ERC2: variants seen among roughly 807,000 people sequenced by gnomAD.
ERC2 encodes ELKS/RAB6-interacting/CAST family member 2, also known as ERC protein 2.
ERC2 carries 42 observed loss-of-function variants against 114.8 expected under a neutral mutation model. The observed-to-expected ratio is 0.37, with a 90% CI of 0.29 to 0.47. The LOEUF (loss-of-function observed/expected upper bound fraction) is 0.47. ERC2 is among the 20% of genes least tolerant of loss of function. The pLI is 0.99. For missense variants in ERC2, 939 were observed against 1,150.7 expected (o/e 0.82, Z 2.66); for synonymous variants, 454 against 425.5 (o/e 1.07, Z -0.82).
intron 14 of ERC2, among the ~76,000 whole-genome samples, chr3:55,772,320 C>CTT (rs536491164): frequency 5.8e-5 from 8 of 138,118 alleles, no homozygotes; most frequent in South Asian, 2.3e-4. Context: ...TTTTTGTATT[C>CTT]TTTTTTTTTT....
rs965038552 is a variant in ERC2 at position 56,026,061 on chromosome 3, T to C, written c.1642-7030A>G. ...ACCCCCTTCCTCCGTTTCTTTCTTTTTTTTTTTTTTTTTTTTTTTTTCGAG... is the reference window on the plus strand; with the variant it reads ...ACCCCCTTCCTCCGTTTCTTTCTTTCTTTTTTTTTTTTTTTTTTTTTCGAG... On this transcript the variant is annotated intron_variant, in intron 7 of 17. Transcript: ENST00000288221. 4.2e-4 allele frequency among the ~76,000 whole-genome samples: 43 copies of C among 103,448 alleles called. No homozygotes were observed. In the South Asian group the frequency reaches 7.8e-3, roughly 19 times the overall value. 67.9% of individuals were successfully genotyped at this position (103,448 alleles called of 152,430 possible). A position where few individuals can be genotyped will look rare whatever the true frequency, so the allele number is the denominator to read the frequency against.
chr3:56,354,622 C>G (rs181864409), intron 2 of ERC2, among the ~76,000 whole-genome samples: 1 of 152,244 alleles, frequency 6.6e-6, no homozygotes, highest in East Asian at 1.9e-4. Context: ...CATATTTGTC[C>G]TAACTCTCCA....
At chr3:55,744,429 GA>G (rs1364138998) in intron 14 of ERC2, among the ~76,000 whole-genome samples, 2 of 151,698 alleles carry the variant, frequency 1.3e-5, no homozygotes, top group African/African-American at 4.8e-5. Context: ...AAACAAATAT[GA>G]AAAAAACAAA....
At chr3:55,664,920 G>C (rs932493926) in intron 17 of ERC2, among the ~76,000 whole-genome samples, 1 of 152,172 alleles carries the variant, frequency 6.6e-6, no homozygotes, top group Admixed American at 6.5e-5. Context: ...ATGAGGCCTT[G>C]TTAACAGACA....
At chr3:56,382,052 T>C (rs1286827318) in intron 2 of ERC2, among the ~76,000 whole-genome samples, 1 of 152,144 alleles carries the variant, frequency 6.6e-6, no homozygotes, top group Non-Finnish European at 1.5e-5. Context: ...CACTTTTAAC[T>C]ATTGGCCTTC....
intron 14 of ERC2, among the ~76,000 whole-genome samples, chr3:55,790,207 C>T (rs545495955): frequency 3.0e-4 from 45 of 152,252 alleles, no homozygotes; most frequent in Non-Finnish European, 5.6e-4. Flanking sequence ...TCTCTCAACA[C>T]GCTCCAGCCA....
intron 4 of ERC2, among the ~76,000 whole-genome samples, chr3:56,150,759 T>C (rs1473878637): frequency 6.6e-6 from 1 of 152,190 alleles, no homozygotes; most frequent in Non-Finnish European, 1.5e-5. Flanking sequence ...TATTGTATAC[T>C]ACCAGTTTAA....
intron 12 of ERC2, among the ~76,000 whole-genome samples, chr3:55,981,067 C>T (rs1176526588): frequency 6.6e-6 from 1 of 152,216 alleles, no homozygotes; most frequent in Non-Finnish European, 1.5e-5. Flanking sequence ...CATGGCAAGT[C>T]CCACCAAGGC....
chr3:56,037,435 G>A (rs562848398), intron 7 of ERC2, among the ~76,000 whole-genome samples: 29 of 152,090 alleles, frequency 1.9e-4, no homozygotes, highest in African/African-American at 5.8e-4. Flanking sequence ...AAGAGACCAC[G>A]CAGAAGAAAG....
intron 14 of ERC2, among the ~76,000 whole-genome samples, chr3:55,841,950 C>T (rs756383913): frequency 2.0e-5 from 3 of 152,106 alleles, no homozygotes; most frequent in Non-Finnish European, 4.4e-5. Context: ...CCTGAACACA[C>T]CTGTGCTAAT....
intron 3 of ERC2, among the ~76,000 whole-genome samples, chr3:56,214,661 C>T (rs1450854768): frequency 2.0e-5 from 3 of 151,800 alleles, no homozygotes; most frequent in South Asian, 2.1e-4. Context: ...AGATACTCCT[C>T]GAGAAGAGCA....
intron 3 of ERC2, among the ~76,000 whole-genome samples, chr3:56,251,772 T>A (rs962185757): frequency 6.6e-5 from 10 of 152,234 alleles, no homozygotes; most frequent in Non-Finnish European, 1.2e-4. Context: ...TTAACCTATA[T>A]TGGAAATCTC....
At chr3:55,868,312 T>G (rs6766845) in intron 14 of ERC2, among the ~76,000 whole-genome samples, 2,486 of 152,226 alleles carry the variant, frequency 0.016, 78 homozygotes, top group African/African-American at 0.056. Context: ...CATGATATAA[T>G]CCACATCTAA....
chr3:55,695,750 C>G (rs2062894188), intron 16 of ERC2, among the ~76,000 whole-genome samples: 1 of 152,146 alleles, frequency 6.6e-6, no homozygotes, highest in African/African-American at 2.4e-5. Context: ...GAAACTGGAT[C>G]AGTCATGTTA....
intron 12 of ERC2, among the ~76,000 whole-genome samples, chr3:55,975,008 C>T (rs74571005): frequency 0.013 from 1,914 of 152,242 alleles, 43 homozygotes; most frequent in African/African-American, 0.044. Flanking sequence ...AAAAGCCTTG[C>T]TTTGGAATCA....
At chr3:56,213,365 T>C (rs1432353059) in intron 3 of ERC2, among the ~76,000 whole-genome samples, 1 of 152,164 alleles carries the variant, frequency 6.6e-6, no homozygotes, top group Non-Finnish European at 1.5e-5. Context: ...ACCAGGAGAT[T>C]ATATCCTGTG....
At chr3:55,917,549 A>T (rs2065170466) in intron 13 of ERC2, among the ~76,000 whole-genome samples, 1 of 152,182 alleles carries the variant, frequency 6.6e-6, no homozygotes, top group Non-Finnish European at 1.5e-5. Context: ...CAAATCTATA[A>T]ACTATATAAT....
chr3:56,180,294 G>A (rs920951552), intron 3 of ERC2, among the ~76,000 whole-genome samples: 2 of 152,086 alleles, frequency 1.3e-5, no homozygotes, highest in African/African-American at 4.8e-5. Context: ...AAACCCTCAG[G>A]TTACTATATT....
intron 14 of ERC2, among the ~76,000 whole-genome samples, chr3:55,837,718 C>T (rs995552686): frequency 5.3e-5 from 8 of 151,688 alleles, no homozygotes; most frequent in African/African-American, 1.2e-4. Flanking sequence ...AAAGCCTGCA[C>T]GTTGTGCACA....
Sources: allele counts gnomAD v4.1 joint callset (sites outside exome capture counted in the v4.1 genomes callset), GRCh38; gene constraint gnomAD v4.1.1; transcripts MANE v1.5; gene names NCBI Gene and HGNC (gene_info 2026-07-23, HGNC 2026-07-21).